The following BICD1 variants were observed in gnomAD, a reference collection of about 807,000 sequenced individuals.
The protein encoded by BICD1 is protein bicaudal D homolog 1.
Under a neutral mutation model 92.5 loss-of-function variants are expected in BICD1, and 35 were observed. That is an observed-to-expected ratio of 0.38 (90% CI 0.29 to 0.50). The LOEUF is 0.50. BICD1 is among the 20% of genes least tolerant of loss of function. The pLI, the probability that BICD1 is intolerant of heterozygous loss-of-function variation, is 0.93. For synonymous variants in BICD1, 429 were observed against 465.1 expected, an observed-to-expected ratio of 0.92 and a Z score of 1.00; for missense variants, 950 against 1,189.8, an observed-to-expected ratio of 0.80 and a Z score of 2.97.
intron 8 of BICD1, chr12:32,367,449 G>T: frequency 2.2e-6 from 1 of 454,206 alleles, no homozygotes; most frequent in South Asian, 3.7e-5. Flanking sequence ...CGCTACTAAT[G>T]CTGTGTCACT....
intron 2 of BICD1, among the ~76,000 whole-genome samples, chr12:32,224,152 A>C (rs1304209420): frequency 6.6e-6 from 1 of 152,150 alleles, no homozygotes; most frequent in African/African-American, 2.4e-5. Context: ...AGTGAAGCGG[A>C]CACTTCTGTG....
In BICD1 at chr12:32,294,012, C is replaced by G. The variant is rs762461502; in HGVS notation, c.445C>G (p.Leu149Val). The G allele has an allele frequency of 1.2e-6, 2 of 1,613,024 alleles. No homozygotes were observed. The highest frequency in any genetic ancestry group is 2.2e-5 in the South Asian group (2 of 90,740). ...DLKENNEMVE[L>V]QRIRMKDEIR... The stretch of plus-strand genomic sequence containing the variant: ...GTTTCAGAACAATGAGATGGTGGAG[C>G]TACAGAGAATACGGATGAAGGATGA... The change falls in exon 3 of 10, where the codon CTA becomes GTA. Residue 149 changes from leucine (L) to valine (V), a missense_variant. This residue lies in a region of BICD1 where 202 missense variants were observed against 205.3 expected (regional missense o/e 0.98). Transcript: ENST00000652176.
chr12:32,132,395 G>A (rs966934233), intron 1 of BICD1, among the ~76,000 whole-genome samples: 6 of 142,426 alleles, frequency 4.2e-5, no homozygotes, highest in Admixed American at 1.5e-4. Context: ...CAGCCTAGGC[G>A]ACAGAGCGAG....
chr12:32,346,553 T>C (rs1413353932), intron 8 of BICD1, among the ~76,000 whole-genome samples: 2 of 28,750 alleles, frequency 7.0e-5, no homozygotes, highest in African/African-American at 2.6e-4. Flanking sequence ...TATATATATA[T>C]ATATATATAT....
intron 6 of BICD1, among the ~76,000 whole-genome samples, chr12:32,336,645 A>G (rs906943180): frequency 2.0e-4 from 30 of 152,370 alleles, no homozygotes; most frequent in African/African-American, 6.0e-4. Context: ...GGCATAGCCT[A>G]TAATAAACTT....
intron 1 of BICD1, among the ~76,000 whole-genome samples, chr12:32,124,701 G>T (rs1229046564): frequency 6.6e-6 from 1 of 152,136 alleles, no homozygotes; most frequent in Non-Finnish European, 1.5e-5. Context: ...GATTTTCCGG[G>T]GAGAGAAGAG....
rs1482255334 is a variant in BICD1, at chr12:32,313,981, C to T, written c.1005+7859C>T. ...CCTAGGTGAAAGAGCGTGACCCTAT[C>T]AATAAATAAATAAAATAAAAATAAA... On this transcript the variant is annotated intron_variant, in intron 4 of 9. Transcript: ENST00000652176. The surrounding 1 kb of genome is among the most constrained non-coding windows in gnomAD (Gnocchi z 4.2). 6.6e-6 allele frequency among the ~76,000 whole-genome samples: 1 copy of T among 152,106 alleles called. No individual in the cohort carries two copies. The highest frequency in any genetic ancestry group is 1.5e-5 in the Non-Finnish European group (1 of 68,024).
intron 8 of BICD1, among the ~76,000 whole-genome samples, chr12:32,347,817 T>G (rs1000526230): frequency 6.6e-6 from 1 of 152,180 alleles, no homozygotes; most frequent in African/African-American, 2.4e-5. Flanking sequence ...GTAATGAAGT[T>G]GTAAAAGCCC....
chr12:32,326,382 T>A (rs1488485793), intron 4 of BICD1, among the ~76,000 whole-genome samples: 1 of 152,190 alleles, frequency 6.6e-6, no homozygotes, highest in African/African-American at 2.4e-5. Flanking sequence ...TTTTTCCACA[T>A]TGCAATTTCT....
At chr12:32,334,268 T>C (rs956797620) in intron 5 of BICD1, among the ~76,000 whole-genome samples, 1 of 152,202 alleles carries the variant, frequency 6.6e-6, no homozygotes, top group Admixed American at 6.5e-5. Flanking sequence ...TTCTCTTAGC[T>C]CCTGATACTG....
intron 1 of BICD1, among the ~76,000 whole-genome samples, chr12:32,145,719 G>A (rs1052352130): frequency 6.6e-6 from 1 of 152,188 alleles, no homozygotes; most frequent in Non-Finnish European, 1.5e-5. Flanking sequence ...TTTAAGGCTG[G>A]AGTGAATATT....
intron 1 of BICD1, among the ~76,000 whole-genome samples, chr12:32,167,868 C>A (rs975652207): frequency 2.6e-5 from 4 of 152,192 alleles, no homozygotes; most frequent in Non-Finnish European, 4.4e-5. Flanking sequence ...GCCAGGCTTC[C>A]TTGTACCAAA....
At chr12:32,154,198 AG>A (rs1943371460) in intron 1 of BICD1, among the ~76,000 whole-genome samples, 1 of 152,136 alleles carries the variant, frequency 6.6e-6, no homozygotes, top group South Asian at 2.1e-4. Flanking sequence ...TGATTTTTCC[AG>A]TTCTCAATAT....
rs999368416 is a variant in BICD1, at chr12:32,338,720, G to A, written c.2571-66G>A. On this transcript the variant is annotated intron_variant, in intron 7 of 9. Coordinates refer to ENST00000652176, the MANE Select transcript of BICD1 (RefSeq NM_001714.4). ...TAAATAATGTTGTCACTGGTGAGGC[G>A]TTAAAAGGTAATTAAAGTAAAACTT... The A allele has an allele frequency of 2.8e-5, 38 of 1,345,112 alleles. 1 individual carries two copies. The highest frequency in any genetic ancestry group is 4.1e-4 in the Middle Eastern group (2 of 4,900). 83.3% of individuals were successfully genotyped at this position (1,345,112 alleles called of 1,614,324 possible).
intron 1 of BICD1, among the ~76,000 whole-genome samples, chr12:32,110,836 G>T (rs950611379): frequency 2.3e-5 from 3 of 131,738 alleles, no homozygotes; most frequent in African/African-American, 8.5e-5. Context: ...GGGGACTGTT[G>T]TGGGGTGGGG....
chr12:32,172,106 T>G (rs1175791809), intron 1 of BICD1, among the ~76,000 whole-genome samples: 3 of 152,160 alleles, frequency 2.0e-5, no homozygotes, highest in Non-Finnish European at 4.4e-5. Flanking sequence ...TACTCAGGAC[T>G]GGGCACGAAT....
intron 8 of BICD1, among the ~76,000 whole-genome samples, chr12:32,363,988 A>G (rs1338431812): frequency 7.1e-6 from 1 of 140,050 alleles, no homozygotes; most frequent in Non-Finnish European, 1.5e-5. Context: ...TAAGTACTAG[A>G]TGCTGTCATC....
chr12:32,175,217 C>T (rs994516610), intron 1 of BICD1, among the ~76,000 whole-genome samples: 5 of 152,216 alleles, frequency 3.3e-5, no homozygotes, highest in Admixed American at 3.3e-4. Flanking sequence ...TGAATGAATG[C>T]ATGAATGGAT....
chr12:32,300,423 A>G (rs950574500), intron 3 of BICD1, among the ~76,000 whole-genome samples: 33 of 151,652 alleles, frequency 2.2e-4, no homozygotes, highest in Non-Finnish European at 2.9e-5. Context: ...ATTATTGGAC[A>G]ACCTCTGGTC....
Sources: gnomAD v4.1 joint callset for allele counts (sites outside exome capture counted in the v4.1 genomes callset) on GRCh38, gnomAD v4.1.1 for gene constraint, gnomAD v4.1.1 regional missense constraint, Gnocchi (gnomAD v3.1) non-coding constraint, MANE v1.5 for transcripts, NCBI Gene and HGNC (gene_info 2026-07-23, HGNC 2026-07-21) for gene names.